Variants in SLC25A12 observed in about 807,000 individuals in gnomAD.
The protein encoded by SLC25A12 is electrogenic aspartate/glutamate antiporter SLC25A12, mitochondrial.
Under a neutral mutation model 83.3 loss-of-function variants are expected in SLC25A12, and 32 were observed. That is an observed-to-expected ratio of 0.38 (90% CI 0.29 to 0.52). The LOEUF is 0.52. SLC25A12 is among the 20% of genes least tolerant of loss of function. The pLI, the probability that SLC25A12 is intolerant of heterozygous loss-of-function variation, is 0.84. For synonymous variants in SLC25A12, 267 were observed against 291.1 expected (o/e 0.92, Z 0.84); for missense variants, 611 against 835.6 (o/e 0.73, Z 3.31).
At chr2:171,834,508 A>G (rs567771042) in intron 7 of SLC25A12, among the ~76,000 whole-genome samples, 1 of 152,304 alleles carries the variant, frequency 6.6e-6, no homozygotes, top group Admixed American at 6.5e-5. Flanking sequence ...AGATTGGGTC[A>G]AGGTTCTTTT....
At position 171,855,821 on chromosome 2, in the gene SLC25A12, C is replaced by T; in HGVS notation, c.325+13G>A. On this transcript the variant is annotated intron_variant, in intron 4 of 17. Coordinates refer to ENST00000422440, the MANE Select transcript of SLC25A12 (RefSeq NM_003705.5). ...TCATTAACTTATCACTTATAATCTT[C>T]TTTTTCCCTTACCAAATGTCACCTC... 1 of 1,457,204 alleles carries T rather than the reference C, an allele frequency of 6.9e-7. No individual in the cohort carries two copies. The highest frequency in any genetic ancestry group is 1.7e-5 in the Admixed American group (1 of 59,844). 90.3% of individuals were successfully genotyped at this position (1,457,204 alleles called of 1,614,324 possible).
chr2:171,852,613 A>C (rs922959199), intron 4 of SLC25A12: 1 of 448,090 alleles, frequency 2.2e-6, no homozygotes, highest in African/African-American at 2.0e-5. Flanking sequence ...ACATGTGCCT[A>C]TAAATACATA....
intron 5 of SLC25A12, among the ~76,000 whole-genome samples, chr2:171,842,266 C>T (rs549226470): frequency 6.6e-6 from 1 of 150,788 alleles, no homozygotes; most frequent in East Asian, 1.9e-4. Context: ...AAACATTATG[C>T]TAAGTGGAAA....
intron 14 of SLC25A12, among the ~76,000 whole-genome samples, 200 bp from the exon 15 acceptor site, chr2:171,791,789 A>G (rs932483746): frequency 2.6e-5 from 4 of 152,208 alleles, no homozygotes; most frequent in Non-Finnish European, 5.9e-5. Context: ...GGAAATCTGC[A>G]TATCTCAAAG....
chr2:171,802,573 G>A (rs183704490), intron 13 of SLC25A12, among the ~76,000 whole-genome samples: 2 of 152,138 alleles, frequency 1.3e-5, no homozygotes, highest in East Asian at 1.9e-4. Context: ...TCAGAAGATC[G>A]AGACCATCCT....
intron 17 of SLC25A12, 90 bp downstream of exon 17, chr2:171,787,481 T>A (rs1302354651): frequency 2.0e-6 from 2 of 1,014,236 alleles, no homozygotes; most frequent in East Asian, 2.4e-5. Flanking sequence ...ATCAGTTTTC[T>A]AAGAGTTGCA....
chr2:171,820,727 CAAAA>C (rs375978724), intron 9 of SLC25A12, among the ~76,000 whole-genome samples: 2 of 109,612 alleles, frequency 1.8e-5, no homozygotes, highest in Non-Finnish European at 3.8e-5. Flanking sequence ...GACTCCGTCT[CAAAA>C]AAAAAAAAAA....
intron 4 of SLC25A12, among the ~76,000 whole-genome samples, chr2:171,851,930 C>T (rs1400766627): frequency 1.3e-5 from 2 of 152,182 alleles, no homozygotes; most frequent in African/African-American, 4.8e-5. Context: ...TAGTACTGAA[C>T]AGGATCTCCA....
intron 13 of SLC25A12, among the ~76,000 whole-genome samples, chr2:171,802,832 T>G (rs1257039235): frequency 6.6e-6 from 1 of 152,170 alleles, no homozygotes; most frequent in Non-Finnish European, 1.5e-5. Flanking sequence ...TATACTACTA[T>G]TCCCAAAGGT....
At chr2:171,816,488 C>G (rs940892606) in intron 9 of SLC25A12, among the ~76,000 whole-genome samples, 2 of 152,072 alleles carry the variant, frequency 1.3e-5, no homozygotes, top group Non-Finnish European at 2.9e-5. Flanking sequence ...TAAATCATCT[C>G]TACATTACTT....
At chr2:171,852,022 G>C (rs1684945904) in intron 4 of SLC25A12, among the ~76,000 whole-genome samples, 2 of 152,206 alleles carry the variant, frequency 1.3e-5, no homozygotes, top group South Asian at 4.1e-4. Flanking sequence ...CCTCTACAAG[G>C]CTCATGCCAC....
intron 5 of SLC25A12, among the ~76,000 whole-genome samples, chr2:171,840,241 C>G (rs938657069): frequency 4.6e-5 from 7 of 151,992 alleles, no homozygotes; most frequent in African/African-American, 9.6e-5. Context: ...AAAAATTAGG[C>G]AGGCATGGTG....
intron 13 of SLC25A12, among the ~76,000 whole-genome samples, chr2:171,796,848 T>C (rs978175406): frequency 2.6e-5 from 4 of 152,210 alleles, no homozygotes; most frequent in African/African-American, 9.7e-5. Flanking sequence ...ATGGCAAATA[T>C]GCACTGTTCT....
intron 9 of SLC25A12, among the ~76,000 whole-genome samples, chr2:171,819,369 TA>T (rs1684129563): frequency 1.7e-5 from 1 of 58,912 alleles, no homozygotes; most frequent in African/African-American, 4.9e-5. Flanking sequence ...ATATTATATA[TA>T]ATATATTATA....
At chr2:171,848,375 C>T (rs1684843792) in intron 4 of SLC25A12, 2 of 441,908 alleles carry the variant, frequency 4.5e-6, no homozygotes, top group Admixed American at 2.6e-5. Flanking sequence ...GGAGCCACTA[C>T]AACCAACTTA....
At chr2:171,804,284 GTC>G in intron 13 of SLC25A12, among the ~76,000 whole-genome samples, 1 of 152,012 alleles carries the variant, frequency 6.6e-6, no homozygotes, top group South Asian at 2.1e-4. Flanking sequence ...TTGAGACAGA[GTC>G]TCTCTCTGTT....
At chr2:171,796,331 A>G (rs1033359076) in intron 13 of SLC25A12, among the ~76,000 whole-genome samples, 1 of 152,204 alleles carries the variant, frequency 6.6e-6, no homozygotes. Flanking sequence ...AATCCCAACA[A>G]CGCACAGGAC....
chr2:171,813,551 C>A (rs1376715758), intron 10 of SLC25A12, 54 bp from the exon 11 acceptor site: 5 of 1,551,244 alleles, frequency 3.2e-6, no homozygotes, highest in Non-Finnish European at 4.5e-6. Flanking sequence ...AATGGAGAGT[C>A]CATAAGGATG....
At chr2:171,795,835 G>A (rs750654195) in intron 13 of SLC25A12, among the ~76,000 whole-genome samples, 5 of 140,856 alleles carry the variant, frequency 3.5e-5, no homozygotes, top group South Asian at 2.3e-4. Flanking sequence ...AATTGATTGA[G>A]ATTTATACTC....
Sources: gnomAD v4.1 joint callset for allele counts (sites outside exome capture counted in the v4.1 genomes callset) on GRCh38, gnomAD v4.1.1 for gene constraint, MANE v1.5 for transcripts, NCBI Gene and HGNC (gene_info 2026-07-23, HGNC 2026-07-21) for gene names.